The following PTK2 variants were observed in gnomAD, a reference collection of about 807,000 sequenced individuals.
PTK2 encodes protein tyrosine kinase 2.
In PTK2, 45 loss-of-function variants were observed where a neutral mutation model predicts 150.1. The ratio of observed to expected loss-of-function variants is 0.30; its 90% CI spans 0.24 to 0.38. PTK2 has a LOEUF of 0.38. PTK2 is among the 10% of genes least tolerant of loss of function. PTK2 has a pLI of 1.00. For synonymous variants in PTK2, 432 were observed against 449.2 expected (o/e 0.96, Z 0.48); for missense variants, 919 against 1,307.3 (o/e 0.70, Z 4.58).
At chr8:140,823,667 A>ACCC (rs2100110196) in intron 8 of PTK2, among the ~76,000 whole-genome samples, 2 of 151,768 alleles carry the variant, frequency 1.3e-5, no homozygotes, top group Admixed American at 1.3e-4. Flanking sequence ...TCTTTCCTAT[A>ACCC]CCCCTTCCCT....
intron 20 of PTK2, among the ~76,000 whole-genome samples, chr8:140,742,840 C>T (rs572151721): frequency 1.5e-4 from 23 of 152,302 alleles, no homozygotes; most frequent in South Asian, 8.3e-4. Flanking sequence ...TTTGGCAGAA[C>T]AAAAATTTAT....
intron 2 of PTK2, among the ~76,000 whole-genome samples, chr8:140,922,523 G>T (rs1017077153): frequency 3.3e-5 from 5 of 152,086 alleles, no homozygotes; most frequent in African/African-American, 1.2e-4. Flanking sequence ...AAGCATATCT[G>T]ACACACTCCT....
chr8:140,742,417 A>G (rs1054537739), intron 20 of PTK2, among the ~76,000 whole-genome samples: 3 of 152,260 alleles, frequency 2.0e-5, no homozygotes, highest in Non-Finnish European at 4.4e-5. Flanking sequence ...CCTGGGTCAT[A>G]TAACACTTGT....
intron 1 of PTK2, among the ~76,000 whole-genome samples, chr8:140,964,367 C>G (rs574682139): frequency 1.3e-5 from 2 of 151,918 alleles, no homozygotes; most frequent in East Asian, 3.9e-4. Context: ...CACACCATCA[C>G]GCGCCAGCTA....
intron 15 of PTK2, 71 bp downstream of exon 18, chr8:140,762,297 T>G: frequency 1.1e-6 from 1 of 909,444 alleles, no homozygotes; most frequent in South Asian, 2.9e-5. Flanking sequence ...AACCAAAAAC[T>G]GAAACATCCC....
chr8:141,000,573 C>G (rs2100199767), intron 1 of PTK2, among the ~76,000 whole-genome samples: 1 of 152,150 alleles, frequency 6.6e-6, no homozygotes, highest in African/African-American at 2.4e-5. Context: ...GGCCCGTCCT[C>G]CCCGCGCCTC....
intron 26 of PTK2, 189 bp from the exon 30 acceptor site, chr8:140,686,883 C>G (rs2100020230): frequency 1.7e-6 from 1 of 591,112 alleles, no homozygotes; most frequent in African/African-American, 1.9e-5. Flanking sequence ...AACTGCATTC[C>G]TCTCCACACA....
chr8:140,949,621 G>A (rs1036853087), intron 1 of PTK2, among the ~76,000 whole-genome samples: 7 of 152,322 alleles, frequency 4.6e-5, no homozygotes, highest in African/African-American at 1.2e-4. Context: ...GCCCCCTGCC[G>A]CCCTGGCCCA....
chr8:140,776,402 G>T (rs758787794), intron 14 of PTK2, among the ~76,000 whole-genome samples: 1 of 152,188 alleles, frequency 6.6e-6, no homozygotes, highest in South Asian at 2.1e-4. Context: ...GCTAATCAGA[G>T]TACCTATATA....
Position 140,730,253 on chromosome 8 carries a change from T to A in PTK2, c.2030+4998A>T, listed in dbSNP as rs113914433. ...ATCCTCTCTACTTCACAGAGCAATATTCTTGATAGCCCCAAATTAGAAGTA... is the reference window on the plus strand; with the variant it reads ...ATCCTCTCTACTTCACAGAGCAATAATCTTGATAGCCCCAAATTAGAAGTA... On this transcript the variant is annotated intron_variant, in intron 22 of 31. Transcript: ENST00000522684. 9.8e-3 allele frequency among the ~76,000 whole-genome samples: 1,494 copies of A among 152,304 alleles called. 12 individuals are homozygous for A. Among genetic ancestry groups the A allele is most frequent in the Middle Eastern group, 0.017 (5 of 294 alleles).
intron 11 of PTK2, among the ~76,000 whole-genome samples, chr8:140,801,922 T>C (rs1404590531): frequency 6.6e-6 from 1 of 152,172 alleles, no homozygotes; most frequent in Non-Finnish European, 1.5e-5. Context: ...GTAATGCTCA[T>C]GTTTATGGTG....
chr8:140,928,950 T>TA (rs1204996225), intron 1 of PTK2, among the ~76,000 whole-genome samples: 2 of 149,032 alleles, frequency 1.3e-5, no homozygotes, highest in African/African-American at 2.5e-5. Flanking sequence ...AATTTATTTT[T>TA]ATCACAATTT....
intron 23 of PTK2, among the ~76,000 whole-genome samples, chr8:140,710,748 CTATTTTATA>C (rs2154190774): frequency 6.6e-6 from 1 of 152,290 alleles, no homozygotes; most frequent in South Asian, 2.1e-4. Flanking sequence ...CAATTCTGTG[CTATTTTATA>C]TAAGGAATTT....
chr8:140,659,414 G>T, exon 32 of PTK2: 1 of 1,503,368 alleles, frequency 6.7e-7, no homozygotes, highest in East Asian at 2.3e-5. Flanking sequence ...GCTGGTGGAA[G>T]GCTAGAGAAC....
At chr8:140,970,793 A>G (rs1042281209) in intron 1 of PTK2, among the ~76,000 whole-genome samples, 1 of 152,218 alleles carries the variant, frequency 6.6e-6, no homozygotes, top group Non-Finnish European at 1.5e-5. Context: ...TTCTCTGCTC[A>G]AAACCCTAAA....
chr8:140,947,584 T>C (rs1485341639), intron 1 of PTK2, among the ~76,000 whole-genome samples: 1 of 152,124 alleles, frequency 6.6e-6, no homozygotes, highest in African/African-American at 2.4e-5. Context: ...AGTAATGAGT[T>C]TTATTCCTGT....
At chr8:140,993,815 G>C (rs780393835) in intron 1 of PTK2, among the ~76,000 whole-genome samples, 1 of 151,808 alleles carries the variant, frequency 6.6e-6, no homozygotes, top group Non-Finnish European at 1.5e-5. Flanking sequence ...CTGCAGCCTC[G>C]ACCTCCCAGA....
chr8:140,989,257 A>C (rs1220760451), intron 1 of PTK2, among the ~76,000 whole-genome samples: 2 of 148,862 alleles, frequency 1.3e-5, no homozygotes, highest in African/African-American at 4.9e-5. Context: ...ATTAGCCAGC[A>C]GGGTGATACA....
chr8:140,868,771 T>G (rs904667056), intron 4 of PTK2, among the ~76,000 whole-genome samples: 1 of 151,938 alleles, frequency 6.6e-6, no homozygotes, highest in Non-Finnish European at 1.5e-5. Context: ...AATGTAAAGG[T>G]CATAATGACA....
Sources: gnomAD v4.1 joint callset for allele counts (sites outside exome capture counted in the v4.1 genomes callset) on GRCh38, gnomAD v4.1.1 for gene constraint, MANE v1.5 for transcripts, NCBI Gene and HGNC (gene_info 2026-07-23, HGNC 2026-07-21) for gene names.